MMP7: variants seen among roughly 807,000 people sequenced by gnomAD.
MMP7 encodes the protein matrix metallopeptidase 7, also known as matrilysin.
In MMP7, 26 loss-of-function variants were observed where a neutral mutation model predicts 31.5. That is an observed-to-expected ratio of 0.83 (90% confidence interval 0.61 to 1.15). MMP7 has a LOEUF of 1.15. MMP7 is among the 50% of genes most tolerant of loss of function. The pLI is 0.00. For missense variants in MMP7, 367 were observed against 326.5 expected (o/e 1.12, Z -0.96); for synonymous variants, 142 against 124.2 (o/e 1.14, Z -0.95).
intron 5 of MMP7, 96 bp downstream of exon 5, chr11:102,523,144 G>T: frequency 2.1e-6 from 2 of 955,744 alleles, no homozygotes; most frequent in Non-Finnish European, 3.0e-6. Flanking sequence ...TTCCAGTGTG[G>T]TTTTCCAGGT....
chr11:102,525,013 G>T lies in MMP7; in HGVS notation c.536C>A (p.Ala179Asp), dbSNP rs1419948108. The T allele has an allele frequency of 3.1e-6, 5 of 1,613,664 alleles. No individual in the cohort carries two copies. The highest frequency in any genetic ancestry group is 2.2e-5 in the East Asian group (1 of 44,850). Residue 179 changes from alanine to aspartate, a missense_variant, in exon 4 of 6, where the codon GCC becomes GAC. Ala to Asp is a moderately radical substitution (Grantham distance 126). Transcript: ENST00000260227. ...TCCGAGACCTGTCCCAGGCGCAAAGGCATGAGCCAGCGTGTTTCCTGGCCC... is the reference window on the plus strand; with the variant it reads ...TCCGAGACCTGTCCCAGGCGCAAAGTCATGAGCCAGCGTGTTTCCTGGCCC... ...FDGPGNTLAH[A>D]FAPGTGLGGD...
intron 5 of MMP7, among the ~76,000 whole-genome samples, chr11:102,521,698 G>A (rs1449035499): frequency 6.6e-6 from 1 of 152,094 alleles, no homozygotes; most frequent in Admixed American, 6.5e-5. Flanking sequence ...AATACTTAAG[G>A]TTTTAATGCA....
At chr11:102,528,186 C>T (rs555555998) in intron 1 of MMP7, among the ~76,000 whole-genome samples, 53 of 152,086 alleles carry the variant, frequency 3.5e-4, no homozygotes, top group Non-Finnish European at 6.8e-4. Context: ...CGTGCCATTT[C>T]GTGAGCAAAA....
Position 102,527,768 on chromosome 11 carries a change from C to T in MMP7, c.324G>A (p.Val108=), listed in dbSNP as rs142183256. 1.2e-6 allele frequency: 2 copies of T among 1,614,010 alleles called. No individual in the cohort carries two copies. The highest frequency in any genetic ancestry group is 2.7e-5 in the African/African-American group (2 of 74,918). Residue 108 remains valine (V), a synonymous_variant, in exon 2 of 6, where the codon GTG becomes GTA. Transcript: ENST00000260227. The part of the protein sequence containing the change: ...FPNSPKWTSK[V]VTYRIVSYTR... ...AGAGCAAAACTAACCTGTAGGTGAC[C>T]ACTTTGGAAGTCCATTTTGGGCTAT... is the stretch of plus-strand genomic sequence containing the variant.
rs759831546 is a variant in MMP7 at position 102,527,866 on chromosome 11, A to T, written c.226T>A (p.Ser76Thr). The T allele has an allele frequency of 6.2e-7, 1 of 1,614,072 alleles. No individual in the cohort carries two copies. The highest frequency in any genetic ancestry group is 8.5e-7 in the Non-Finnish European group (1 of 1,180,000). Reference protein sequence around the residue: ...FGLPITGMLNSRVIEIMQKPR... With the variant: ...FGLPITGMLNTRVIEIMQKPR... ...TTCTGCATTATTTCTATGACGCGGGAGTTTAACATTCCAGTTATAGGTAGG... is the reference window on the plus strand; with the variant it reads ...TTCTGCATTATTTCTATGACGCGGGTGTTTAACATTCCAGTTATAGGTAGG... Residue 76 changes from serine (S) to threonine (T), a missense_variant, in exon 2 of 6, where the codon TCC becomes ACC. Ser to Thr is a moderately conservative substitution (Grantham distance 58, BLOSUM62 1). Coordinates refer to ENST00000260227, the MANE Select transcript of MMP7 (RefSeq NM_002423.5).
At position 102,527,958 on chromosome 11, in the gene MMP7, T is replaced by C. The variant is rs1426185853; in HGVS notation, c.134A>G (p.Tyr45Cys). Residue 45 changes from tyrosine to cysteine, a missense_variant, in exon 2 of 6, where the codon TAT (tyrosine) becomes TGT (cysteine). By Grantham distance (194) the Tyr-to-Cys change is radical. Transcript: ENST00000260227. ...AQDYLKRFYL[Y>C]DSETKNANSL... Reference sequence around the variant, plus strand: ...GTTGGCATTTTTTGTTTCTGAGTCATAGAGATAAAATCTCTTGAGATAGTC... The same window carrying C: ...GTTGGCATTTTTTGTTTCTGAGTCACAGAGATAAAATCTCTTGAGATAGTC... 4 of 1,613,644 alleles carry C rather than the reference T, an allele frequency of 2.5e-6. No individual in the cohort carries two copies. Among genetic ancestry groups the C allele is most frequent in the Middle Eastern group, 1.6e-4 (1 of 6,076 alleles).
Position 102,523,291 on chromosome 11 carries a change from G to A in MMP7, c.724C>T (p.Gln242Ter). The A allele has an allele frequency of 6.2e-7, 1 of 1,611,606 alleles. No homozygotes were observed. The highest frequency in any genetic ancestry group is 8.5e-7 in the Non-Finnish European group (1 of 1,178,510). Reference sequence around the variant, plus strand: ...TCATCCTGGGAAAGTTTAAAATTTTGGGGATCTCCATTTCCATAGGTTGGA... The same window carrying A: ...TCATCCTGGGAAAGTTTAAAATTTTAGGGATCTCCATTTCCATAGGTTGGA... ...MYPTYGNGDPQNFKLSQDDIK... is the reference protein window; with the variant it reads ...MYPTYGNGDP Residue 242 changes from glutamine (Q) to a stop codon, truncating the protein, a stop_gained, in exon 5 of 6, where the codon CAA becomes TAA. Transcript: ENST00000260227. LOFTEE classifies it high-confidence loss of function.
chr11:102,522,005 C>T (rs777419434), intron 5 of MMP7, among the ~76,000 whole-genome samples: 10 of 152,164 alleles, frequency 6.6e-5, no homozygotes, highest in Non-Finnish European at 1.3e-4. Flanking sequence ...TTATGGGACT[C>T]ATTGAGACCC....
At chr11:102,527,472 C>G in intron 3 of MMP7, 52 bp downstream of exon 3, 1 of 1,610,714 alleles carries the variant, frequency 6.2e-7, no homozygotes, top group South Asian at 1.1e-5. Context: ...CTGATATAAA[C>G]CATGAACAAA....
chr11:102,523,493 A>G (rs1015336314), intron 4 of MMP7, 92 bp from the exon 5 acceptor site: 14 of 1,098,106 alleles, frequency 1.3e-5, no homozygotes, highest in East Asian at 2.9e-5. Flanking sequence ...TAAAAAAACT[A>G]AAGAAAAATA....
At chr11:102,529,794 A>T (rs1349398093) in intron 1 of MMP7, among the ~76,000 whole-genome samples, 2 of 152,194 alleles carry the variant, frequency 1.3e-5, no homozygotes, top group Non-Finnish European at 2.9e-5. Flanking sequence ...AACCAGAAGC[A>T]CTTGTCCTTG....
chr11:102,523,133 G>T, intron 5 of MMP7, 107 bp downstream of exon 5: 1 of 807,620 alleles, frequency 1.2e-6, no homozygotes, highest in Non-Finnish European at 1.9e-6. Context: ...TTTGATATGA[G>T]TTCCAGTGTG....
chr11:102,523,225 A>G lies in MMP7; in HGVS notation c.775+15T>C. On this transcript the variant is annotated intron_variant, in intron 5 of 5. Transcript: ENST00000260227. Reference sequence around the variant, plus strand: ...GAAAATGGGAAATCCTCTTATTTGAAATAATAAATATTACCATATAGTTTC... The same window carrying G: ...GAAAATGGGAAATCCTCTTATTTGAGATAATAAATATTACCATATAGTTTC... 2 of 1,557,972 alleles carry G rather than the reference A, an allele frequency of 1.3e-6. No homozygotes were observed. Among genetic ancestry groups the G allele is most frequent in the Non-Finnish European group, 1.7e-6 (2 of 1,145,304 alleles).
intron 4 of MMP7, 199 bp downstream of exon 4, chr11:102,524,737 C>T: frequency 2.4e-6 from 1 of 419,716 alleles, no homozygotes; most frequent in South Asian, 8.2e-5. Flanking sequence ...TGGTGCTTGA[C>T]TCCATAGCCT....
At chr11:102,525,403 C>T (rs1858658773) in intron 3 of MMP7, among the ~76,000 whole-genome samples, 1 of 151,354 alleles carries the variant, frequency 6.6e-6, no homozygotes, top group South Asian at 2.1e-4. Flanking sequence ...GATCGCGCCA[C>T]TGCACTCCAG....
rs774930409 is a variant in MMP7 at position 102,525,098 on chromosome 11, T to C, written c.485-34A>G. On this transcript the variant is annotated intron_variant, in intron 3 of 5. Transcript: ENST00000260227. ...AAATGGAGTGATTGTTCTTAGTGAC[T>C]GATTTTTTTTTTCTCCAGTCATTTT... The C allele has an allele frequency of 7.7e-6, 12 of 1,567,420 alleles. No homozygotes were observed. The Admixed American group carries it at 1.8e-4, about 24-fold the overall frequency.
chr11:102,524,050 A>G (rs1271133092), intron 4 of MMP7, among the ~76,000 whole-genome samples: 1 of 152,186 alleles, frequency 6.6e-6, no homozygotes, highest in Non-Finnish European at 1.5e-5. Context: ...CTTTGCAAGT[A>G]TGTGGAAGGT....
rs1416716473 is a variant in MMP7 at position 102,525,136 on chromosome 11, A to G, written c.485-72T>C. The G allele has an allele frequency of 1.3e-5, 20 of 1,537,084 alleles. No homozygotes were observed. In the Admixed American group the frequency reaches 2.6e-4, roughly 20 times the overall value. ...CTCCAGTCATTTTATTTTTCAGTTT[A>G]TACGATTATTGAGGCTAGAAAAAGC... On this transcript the variant is annotated intron_variant, in intron 3 of 5. Coordinates refer to ENST00000260227, the MANE Select transcript of MMP7 (RefSeq NM_002423.5).
chr11:102,523,419 A>G lies in MMP7; in HGVS notation c.614-18T>C, dbSNP rs1858635805. 6.4e-7 allele frequency: 1 copy of G among 1,557,500 alleles called. No individual in the cohort carries two copies. The highest frequency in any genetic ancestry group is 8.7e-7 in the Non-Finnish European group (1 of 1,151,608). On this transcript the variant is annotated intron_variant, in intron 4 of 5. Coordinates refer to ENST00000260227, the MANE Select transcript of MMP7 (RefSeq NM_002423.5). ...GTTAATCCCTACAACCGAAGAAGTG[A>G]CAAACAGTAATGATAAAAATAGCTA...
Sources: allele counts gnomAD v4.1 joint callset (sites outside exome capture counted in the v4.1 genomes callset), GRCh38; gene constraint gnomAD v4.1.1; transcripts MANE v1.5; gene names NCBI Gene and HGNC (gene_info 2026-07-23, HGNC 2026-07-21).